DPYSL3: variants seen among roughly 807,000 people sequenced by gnomAD.
The protein encoded by DPYSL3 is dihydropyrimidinase like 3, also known as dihydropyrimidinase-related protein 3.
DPYSL3 carries 16 observed loss-of-function variants against 66.1 expected under a neutral mutation model. The ratio of observed to expected loss-of-function variants is 0.24; its 90% confidence interval spans 0.16 to 0.37. DPYSL3 has a LOEUF of 0.37. Ranked by LOEUF, DPYSL3 falls within the 10% of genes least tolerant of loss-of-function variation. The pLI is 1.00. For synonymous variants in DPYSL3, 338 were observed against 345.1 expected, an observed-to-expected ratio of 0.98 and a Z score of 0.23; for missense variants, 738 against 916.2, an observed-to-expected ratio of 0.81 and a Z score of 2.51.
chr5:147,400,668 C>A lies in DPYSL3; in HGVS notation c.1452+24G>T, dbSNP rs193040448. Reference sequence around the variant, plus strand: ...CCATGGATGTTTTGGCTCTGGCCACCCTCCCATGACCTCCATGCCTTACCA... The same window carrying A: ...CCATGGATGTTTTGGCTCTGGCCACACTCCCATGACCTCCATGCCTTACCA... On this transcript the variant is annotated intron_variant, in intron 10 of 13. Transcript: ENST00000343218. The A allele has an allele frequency of 3.8e-5, 61 of 1,610,018 alleles. No individual in the cohort carries two copies. The African/African-American group carries it at 7.2e-4, about 19-fold the overall frequency.
chr5:147,465,801 C>T (rs889453669), intron 1 of DPYSL3, among the ~76,000 whole-genome samples: 2 of 152,278 alleles, frequency 1.3e-5, no homozygotes, highest in Middle Eastern at 3.4e-3. Flanking sequence ...CCTATAAGGT[C>T]ATATAAGGTC....
chr5:147,504,773 A>T (rs1753661611), intron 1 of DPYSL3, among the ~76,000 whole-genome samples: 1 of 152,220 alleles, frequency 6.6e-6, no homozygotes, highest in Admixed American at 6.5e-5. Context: ...AAAGAGGCCC[A>T]CATGGGAAGA....
intron 1 of DPYSL3, among the ~76,000 whole-genome samples, chr5:147,460,908 A>G (rs941870034): frequency 6.6e-6 from 1 of 152,218 alleles, no homozygotes; most frequent in Non-Finnish European, 1.5e-5. Flanking sequence ...CCAATAGGAG[A>G]ATCATAATTT....
chr5:147,399,105 C>A lies in DPYSL3; in HGVS notation c.1600G>T (p.Val534Phe). 1 of 1,614,134 alleles carries A rather than the reference C, an allele frequency of 6.2e-7. No individual in the cohort carries two copies. Among genetic ancestry groups the A allele is most frequent in the Non-Finnish European group, 8.5e-7 (1 of 1,180,016 alleles). The change falls in exon 11 of 14, where the codon GTC (valine) becomes TTC (phenylalanine). Residue 534 changes from valine (V) to phenylalanine (F), a missense_variant. Physicochemically the swap from Val to Phe is conservative, Grantham distance 50. Coordinates refer to ENST00000343218, the MANE Select transcript of DPYSL3 (RefSeq NM_001197294.2). ...ACAGACTGGTGGTTCTTGGCAGAGA[C>A]GATCTTCACAGCATCTGGATCCCAG... ...VIWDPDAVKI[V>F]SAKNHQSAAE... is the part of the protein sequence containing the mutation.
Position 147,399,270 on chromosome 5 carries a change from A to G in DPYSL3, c.1453-18T>C, listed in dbSNP as rs769779590. On this transcript the variant is annotated intron_variant, in intron 10 of 13. Transcript: ENST00000343218. Reference sequence around the variant, plus strand: ...CCTGTGGCCTATTGAAATATAAGAAATTATATCTATATCTATAGCTACATA... The same window carrying G: ...CCTGTGGCCTATTGAAATATAAGAAGTTATATCTATATCTATAGCTACATA... 1.0e-4 allele frequency: 161 copies of G among 1,611,878 alleles called. No homozygotes were observed. Among genetic ancestry groups the G allele is most frequent in the Non-Finnish European group, 1.3e-4 (158 of 1,178,904 alleles).
intron 1 of DPYSL3, among the ~76,000 whole-genome samples, chr5:147,449,807 A>T (rs1297341438): frequency 1.3e-5 from 2 of 152,244 alleles, no homozygotes; most frequent in African/African-American, 2.4e-5. Flanking sequence ...TCCTGTGGTC[A>T]GCTTCAAGTT....
chr5:147,474,399 G>A (rs2126427089), intron 1 of DPYSL3, among the ~76,000 whole-genome samples: 1 of 152,128 alleles, frequency 6.6e-6, no homozygotes. Context: ...AATCCTAAGT[G>A]CTTTTATCTG....
intron 1 of DPYSL3, among the ~76,000 whole-genome samples, chr5:147,455,164 A>G (rs1053477974): frequency 4.6e-5 from 7 of 152,162 alleles, no homozygotes; most frequent in Non-Finnish European, 1.0e-4. Flanking sequence ...GCTTGCGATA[A>G]AGAAACTATA....
rs552199752 is a variant in DPYSL3, at chr5:147,489,371, G to A, written c.381+20107C>T. 2.2e-4 allele frequency among the ~76,000 whole-genome samples: 33 copies of A among 152,290 alleles called. No individual in the cohort carries two copies. In the South Asian group the frequency reaches 2.7e-3, roughly 12 times the overall value. ...ACCATACCAGAAGAGAACAGCACAG[G>A]GGCGTATGGAAAGCAATCAGAGAGT... On this transcript the variant is annotated intron_variant, in intron 1 of 13. Transcript: ENST00000343218.
intron 1 of DPYSL3, among the ~76,000 whole-genome samples, chr5:147,483,506 G>C (rs548574455): frequency 7.2e-5 from 11 of 152,124 alleles, no homozygotes; most frequent in Non-Finnish European, 1.2e-4. Context: ...GCCAGGCACT[G>C]TTCTAACTCC....
chr5:147,393,646 A>G lies in DPYSL3; in HGVS notation c.*389T>C. ...CTCCACCTTGCTCCAGGCTCCCACC[A>G]CCCACTCACCCCAAATAACCTGCGT... is the stretch of plus-strand genomic sequence containing the variant. On this transcript the variant is annotated 3_prime_UTR_variant, in exon 14 of 14. Transcript: ENST00000343218. The G allele has an allele frequency of 5.6e-6, 1 of 179,876 alleles. No homozygotes were observed. The highest frequency in any genetic ancestry group is 1.1e-5 in the Non-Finnish European group (1 of 87,552). The allele number at this position is 179,876 out of a possible 1,614,324, so 11.1% of individuals were successfully genotyped here. A position where few individuals can be genotyped will look rare whatever the true frequency, so the allele number is the denominator to read the frequency against.
intron 1 of DPYSL3, among the ~76,000 whole-genome samples, chr5:147,437,097 C>T (rs749989669): frequency 1.3e-5 from 2 of 152,148 alleles, no homozygotes; most frequent in African/African-American, 2.4e-5. Flanking sequence ...CCAAGGATTC[C>T]GGTCAAAGTT....
intron 1 of DPYSL3, among the ~76,000 whole-genome samples, chr5:147,449,866 T>C (rs1374944705): frequency 1.3e-5 from 2 of 152,210 alleles, no homozygotes; most frequent in Non-Finnish European, 2.9e-5. Context: ...CAAAAGTTCC[T>C]ACCTGTAGAA....
intron 1 of DPYSL3, among the ~76,000 whole-genome samples, chr5:147,457,698 AT>A (rs1490043542): frequency 6.6e-6 from 1 of 152,240 alleles, no homozygotes; most frequent in Non-Finnish European, 1.5e-5. Context: ...TTTTATGCCA[AT>A]GAGGCTGATT....
At chr5:147,407,456 G>A (rs1016469365) in intron 7 of DPYSL3, among the ~76,000 whole-genome samples, 11 of 152,108 alleles carry the variant, frequency 7.2e-5, no homozygotes, top group Non-Finnish European at 1.5e-4. Flanking sequence ...CTGGAAATCC[G>A]TCTTGCCAGC....
At chr5:147,401,114 G>A (rs1490993550) in intron 9 of DPYSL3, among the ~76,000 whole-genome samples, 2 of 152,134 alleles carry the variant, frequency 1.3e-5, no homozygotes, top group Non-Finnish European at 2.9e-5. Context: ...GTCTGCAGAG[G>A]GCAGCAACAA....
In DPYSL3 at chr5:147,394,242, C is replaced by T. The variant is rs12514302; in HGVS notation, c.1967-119G>A. Reference sequence around the variant, plus strand: ...TGCAAGATATGAAGTGCCTTGCTGGCCTCACCTCCCAAGAAACTTCCATTC... The same window carrying T: ...TGCAAGATATGAAGTGCCTTGCTGGTCTCACCTCCCAAGAAACTTCCATTC... On this transcript the variant is annotated intron_variant, in intron 13 of 13. Coordinates refer to ENST00000343218, the MANE Select transcript of DPYSL3 (RefSeq NM_001197294.2). 10,785 of 968,508 alleles carry T rather than the reference C, an allele frequency of 0.011. 738 individuals carry two copies. The East Asian group carries it at 0.17, about 15-fold the overall frequency. The allele number at this position is 968,508 out of a possible 1,614,324, so 60.0% of individuals were successfully genotyped here.
At chr5:147,400,954 T>G (rs1758156125) in intron 9 of DPYSL3, 121 bp from the exon 10 acceptor site, 6 of 1,289,290 alleles carry the variant, frequency 4.7e-6, no homozygotes, top group Non-Finnish European at 6.2e-6. Flanking sequence ...GAATGCCTCC[T>G]CTACCTCTTA....
rs147660722 is a variant in DPYSL3 at position 147,484,374 on chromosome 5, A to G, written c.381+25104T>C. On this transcript the variant is annotated intron_variant, in intron 1 of 13. Transcript: ENST00000343218. ...GTTTGCAGCTTTACAGATGGTTTCT[A>G]TGGAAATTATGACAATATTACAGCT... is the stretch of plus-strand genomic sequence containing the variant. 9.6e-3 allele frequency among the ~76,000 whole-genome samples: 1,463 copies of G among 152,190 alleles called. 28 individuals are homozygous for G. The highest frequency in any genetic ancestry group is 0.033 in the African/African-American group (1,362 of 41,502).
Sources: allele counts gnomAD v4.1 joint callset (sites outside exome capture counted in the v4.1 genomes callset), GRCh38; gene constraint gnomAD v4.1.1; transcripts MANE v1.5; gene names NCBI Gene and HGNC (gene_info 2026-07-23, HGNC 2026-07-21).